Variants in EVC observed in about 807,000 individuals in gnomAD.
EVC encodes EvC ciliary complex subunit 1.
In EVC, 116 loss-of-function variants were observed where a neutral mutation model predicts 118.9. That is an observed-to-expected ratio of 0.98 (90% CI 0.84 to 1.14). EVC has a LOEUF of 1.14. Ranked by LOEUF, EVC falls within the 50% of genes most tolerant of loss-of-function variation. The probability of loss-of-function intolerance (pLI) is 0.00; values close to 1 mark genes in which losing one functional copy is unlikely to be tolerated. For missense variants in EVC, 1,401 were observed against 1,246.4 expected, an observed-to-expected ratio of 1.12 and a Z score of -1.87; for synonymous variants, 619 against 534.7, an observed-to-expected ratio of 1.16 and a Z score of -2.18.
rs1727159857 is a variant in EVC at position 5,733,418 on chromosome 4, A to T, written c.685A>T (p.Arg229Trp). The change falls in exon 5 of 21, where the codon AGG (arginine) becomes TGG (tryptophan). Residue 229 changes from arginine (R) to tryptophan (W), a missense_variant. Arg to Trp is a moderately radical substitution (Grantham distance 101). Transcript: ENST00000264956. ...KDLLHLDTAL[R>W]QEKHMMFIQI... ...CCTGCTGCATTTGGACACGGCACTG[A>T]GGCAGGAAAAGCATATGGTAGGTGG... 2 of 1,613,918 alleles carry T rather than the reference A, an allele frequency of 1.2e-6. No homozygotes were observed. Among genetic ancestry groups the T allele is most frequent in the African/African-American group, 2.7e-5 (2 of 74,936 alleles).
chr4:5,764,794 T>G (rs1732616156), intron 11 of EVC, among the ~76,000 whole-genome samples: 1 of 148,306 alleles, frequency 6.7e-6, no homozygotes, highest in Admixed American at 6.6e-5. Flanking sequence ...CTTCTCTCTT[T>G]TCTTCTTTAT....
intron 6 of EVC, among the ~76,000 whole-genome samples, chr4:5,744,973 T>G (rs1729137277): frequency 6.6e-6 from 1 of 151,752 alleles, no homozygotes; most frequent in Non-Finnish European, 1.5e-5. Flanking sequence ...GTCTAGTTTT[T>G]TTTTTTTTTT....
At position 5,746,161 on chromosome 4, in the gene EVC, C is replaced by G. The variant is rs538135809; in HGVS notation, c.939+820C>G. 6.6e-6 allele frequency among the ~76,000 whole-genome samples: 1 copy of G among 152,112 alleles called. No homozygotes were observed. Among genetic ancestry groups the G allele is most frequent in the African/African-American group, 2.4e-5 (1 of 41,430 alleles). On this transcript the variant is annotated intron_variant, in intron 7 of 20. Coordinates refer to ENST00000264956, the MANE Select transcript of EVC (RefSeq NM_153717.3). The surrounding 1 kb of genome is among the most constrained non-coding windows in gnomAD (Gnocchi z 5.8). Reference sequence around the variant, plus strand: ...CCAGAGGGCTTGTTTGTGTCTTAAGCCAGCGAGATGGGAGTGTCTATTGCC... The same window carrying G: ...CCAGAGGGCTTGTTTGTGTCTTAAGGCAGCGAGATGGGAGTGTCTATTGCC...
chr4:5,820,558 G>T, the EVC span, among the ~76,000 whole-genome samples: 2 of 152,138 alleles, frequency 1.3e-5, no homozygotes, highest in Non-Finnish European at 2.9e-5. Context: ...TTTTGTGGAA[G>T]CCCGCCCATC....
intron 11 of EVC, among the ~76,000 whole-genome samples, chr4:5,767,007 C>T (rs1243529750): frequency 4.6e-5 from 7 of 150,780 alleles, no homozygotes; most frequent in African/African-American, 1.7e-4. Context: ...TTTTTCTGCT[C>T]TGTTTTTTCC....
intron 13 of EVC, among the ~76,000 whole-genome samples, chr4:5,794,345 A>ATATATATT (rs1560420154): frequency 1.3e-4 from 7 of 52,782 alleles, no homozygotes; most frequent in Admixed American, 2.4e-4. Flanking sequence ...TTATATACTT[A>ATATATATT]TATATATATT....
At chr4:5,816,748 G>A (rs769665341), downstream of EVC, among the ~76,000 whole-genome samples, 13 of 143,090 alleles carry the variant, frequency 9.1e-5, no homozygotes, top group Admixed American at 2.2e-4. Flanking sequence ...CAGCTGCATC[G>A]CAAATCTGTG....
At chr4:5,780,074 G>A (rs913125011) in intron 11 of EVC, among the ~76,000 whole-genome samples, 16 of 152,096 alleles carry the variant, frequency 1.1e-4, no homozygotes, top group Non-Finnish European at 2.4e-4. Flanking sequence ...TTTGTCAAAG[G>A]TCTTTTCTGC....
rs191534920 is a variant in EVC at position 5,806,328 on chromosome 4, C to T, written c.2561+1487C>T. 8.0e-4 allele frequency among the ~76,000 whole-genome samples: 121 copies of T among 152,086 alleles called. 2 individuals carry two copies. Among genetic ancestry groups the T allele is most frequent in the Admixed American group, 6.3e-3 (96 of 15,280 alleles). ...AACTCCTGACCTCAGGTGATTCACCCGCCTTGGCCTCTCGGTGCTGGGATT... is the reference window on the plus strand; with the variant it reads ...AACTCCTGACCTCAGGTGATTCACCTGCCTTGGCCTCTCGGTGCTGGGATT... On this transcript the variant is annotated intron_variant, in intron 17 of 20. Transcript: ENST00000264956.
rs141150484 is a variant in EVC, at chr4:5,712,785, A to G, written c.174+1231A>G. 3.7e-3 allele frequency among the ~76,000 whole-genome samples: 559 copies of G among 152,276 alleles called. 4 individuals carry two copies. The highest frequency in any genetic ancestry group is 0.013 in the African/African-American group (530 of 41,546). ...GGGTTGTCAGATCCTGCTGGTGATT[A>G]AGAGACACTAAGAGATGCTGGCTTG... On this transcript the variant is annotated intron_variant, in intron 1 of 20. Coordinates refer to ENST00000264956, the MANE Select transcript of EVC (RefSeq NM_153717.3).
Position 5,798,676 on chromosome 4 carries a change from C to T in EVC, c.2188C>T (p.Gln730Ter). The T allele has an allele frequency of 6.2e-7, 1 of 1,602,436 alleles. No individual in the cohort carries two copies. The highest frequency in any genetic ancestry group is 2.3e-5 in the East Asian group (1 of 44,282). ...QLQQRLLAEA[Q>*]EVGQLLQQHM... Reference sequence around the variant, plus strand: ...CCAGCAGCGGCTCCTGGCCGAGGCCCAGGAGGTGGGGCAGCTTCTGCAGCA... The same window carrying T: ...CCAGCAGCGGCTCCTGGCCGAGGCCTAGGAGGTGGGGCAGCTTCTGCAGCA... The change falls in exon 15 of 21, where the codon CAG becomes TAG. Residue 730 changes from glutamine (Q) to a stop codon, truncating the protein, a stop_gained. Transcript: ENST00000264956. LOFTEE classifies it high-confidence loss of function. This position sits in a 1 kb window ranked among gnomAD's most constrained non-coding sequence, Gnocchi z 4.1.
At chr4:5,825,886 T>G in the EVC span, 1 of 516,218 alleles carries the variant, frequency 1.9e-6, no homozygotes. The surrounding 1 kb of genome is among the most constrained non-coding windows in gnomAD (Gnocchi z 4.4). Context: ...CATACCCACA[T>G]GCATACACAT....
chr4:5,803,177 A>G (rs890408088), intron 16 of EVC, among the ~76,000 whole-genome samples: 5 of 151,932 alleles, frequency 3.3e-5, no homozygotes, highest in African/African-American at 9.7e-5. Flanking sequence ...TTCTTACAAC[A>G]CCCTCCCCTG....
chr4:5,736,341 T>C (rs911493664), intron 5 of EVC, among the ~76,000 whole-genome samples: 17 of 151,800 alleles, frequency 1.1e-4, no homozygotes, highest in Non-Finnish European at 2.5e-4. Flanking sequence ...GGGTGAAAAC[T>C]GAAGAAGGTC....
rs950747768 is a variant in EVC, at chr4:5,755,609, C to T, written c.1465-655C>T. ...CTGCTGCTCGCTGAGCCTGGCTCCCCATCTTCCCTCCAAGGAGTCCTTCCT... is the reference window on the plus strand; with the variant it reads ...CTGCTGCTCGCTGAGCCTGGCTCCCTATCTTCCCTCCAAGGAGTCCTTCCT... On this transcript the variant is annotated intron_variant, in intron 10 of 20. Transcript: ENST00000264956. The surrounding 1 kb of genome is among the most constrained non-coding windows in gnomAD (Gnocchi z 4.1). 1.3e-5 allele frequency among the ~76,000 whole-genome samples: 2 copies of T among 152,146 alleles called. No individual in the cohort carries two copies. Among genetic ancestry groups the T allele is most frequent in the African/African-American group, 4.8e-5 (2 of 41,424 alleles).
At chr4:5,748,540 C>CCATCTACCCATT (rs1577419468) in intron 8 of EVC, among the ~76,000 whole-genome samples, 1 of 150,858 alleles carries the variant, frequency 6.6e-6, no homozygotes, top group East Asian at 2.0e-4. Flanking sequence ...ATCTACCCAT[C>CCATCTACCCATT]CATCCATCTG....
At chr4:5,781,736 A>C (rs529257703) in intron 11 of EVC, among the ~76,000 whole-genome samples, 90 of 152,268 alleles carry the variant, frequency 5.9e-4, no homozygotes, top group African/African-American at 1.7e-3. Flanking sequence ...GCTATTTGGG[A>C]GGCTGAGGTG....
At chr4:5,804,584 C>T in intron 16 of EVC, 146 bp from the exon 17 acceptor site, 1 of 721,456 alleles carries the variant, frequency 1.4e-6, no homozygotes, top group Non-Finnish European at 2.5e-6. Context: ...TTTGTGCACA[C>T]AATGCCCTGT....
chr4:5,790,860 G>A (rs1443058156), intron 12 of EVC, among the ~76,000 whole-genome samples: 1 of 152,154 alleles, frequency 6.6e-6, no homozygotes, highest in Non-Finnish European at 1.5e-5. Flanking sequence ...TTGGGAGGCC[G>A]AGGCAGATGG....
Sources: gnomAD v4.1 joint callset for allele counts (sites outside exome capture counted in the v4.1 genomes callset) on GRCh38, gnomAD v4.1.1 for gene constraint, Gnocchi (gnomAD v3.1) non-coding constraint, MANE v1.5 for transcripts, NCBI Gene and HGNC (gene_info 2026-07-23, HGNC 2026-07-21) for gene names.